The following GRID1 variants were observed in gnomAD, a reference collection of about 807,000 sequenced individuals.
GRID1 encodes glutamate receptor ionotropic, delta-1.
A neutral mutation model predicts 98.0 loss-of-function variants in GRID1; 28 were observed. The ratio of observed to expected loss-of-function variants is 0.29; its 90% CI spans 0.21 to 0.39. The LOEUF (loss-of-function observed/expected upper bound fraction) is 0.39, where lower values mean the gene tolerates loss of function less well. Ranked by LOEUF, GRID1 falls within the 10% of genes least tolerant of loss-of-function variation. GRID1 has a pLI of 1.00. For missense variants in GRID1, 1,111 were observed against 1,340.5 expected, an observed-to-expected ratio of 0.83 and a Z score of 2.67; for synonymous variants, 553 against 538.5, an observed-to-expected ratio of 1.03 and a Z score of -0.37.
chr10:85,690,769 TA>T (rs1405027212), intron 12 of GRID1, among the ~76,000 whole-genome samples: 2 of 152,040 alleles, frequency 1.3e-5, no homozygotes, highest in Admixed American at 6.6e-5. Context: ...GCATATCAAA[TA>T]AAAAAATTCA....
chr10:85,645,117 A>G (rs538365141), intron 13 of GRID1, among the ~76,000 whole-genome samples: 69 of 152,274 alleles, frequency 4.5e-4, no homozygotes, highest in African/African-American at 1.5e-3. Context: ...GTGGCTTGTA[A>G]TGAATAGAAC....
chr10:85,686,151 G>A (rs1841266625), intron 12 of GRID1, among the ~76,000 whole-genome samples: 1 of 152,120 alleles, frequency 6.6e-6, no homozygotes, highest in Admixed American at 6.6e-5. Flanking sequence ...AAGTATTATA[G>A]TGCACAGGGA....
intron 2 of GRID1, among the ~76,000 whole-genome samples, chr10:86,293,010 C>T (rs548690525): frequency 6.6e-6 from 1 of 152,294 alleles, no homozygotes; most frequent in Non-Finnish European, 1.5e-5. Flanking sequence ...ACCTCAGACT[C>T]CCAGAGGCCC....
rs73338210 is a variant in GRID1 at position 86,294,880 on chromosome 10, G to A, written c.235+69061C>T. On this transcript the variant is annotated intron_variant, in intron 2 of 15. Coordinates refer to ENST00000327946, the MANE Select transcript of GRID1 (RefSeq NM_017551.3). Reference sequence around the variant, plus strand: ...GTTTTGAGGTCGGGAGATGAGAAGAGCCCAGCAATGGGACTAGGAAGGTGC... The same window carrying A: ...GTTTTGAGGTCGGGAGATGAGAAGAACCCAGCAATGGGACTAGGAAGGTGC... 5.5e-3 allele frequency among the ~76,000 whole-genome samples: 836 copies of A among 152,294 alleles called. 8 individuals are homozygous for A. Among genetic ancestry groups the A allele is most frequent in the African/African-American group, 0.019 (801 of 41,552 alleles).
intron 8 of GRID1, among the ~76,000 whole-genome samples, chr10:85,766,917 A>G (rs138922198): frequency 6.6e-6 from 1 of 152,228 alleles, no homozygotes; most frequent in East Asian, 1.9e-4. Context: ...GAAACTGCAT[A>G]CACTTCAAGT....
intron 2 of GRID1, among the ~76,000 whole-genome samples, chr10:86,296,940 C>G (rs1178475450): frequency 1.3e-5 from 2 of 152,104 alleles, no homozygotes; most frequent in Non-Finnish European, 2.9e-5. Context: ...TAGAAATAAA[C>G]TTCACTAGAG....
intron 4 of GRID1, among the ~76,000 whole-genome samples, chr10:85,984,928 TA>T (rs1842591058): frequency 6.6e-6 from 1 of 152,112 alleles, no homozygotes; most frequent in South Asian, 2.1e-4. Context: ...TGCCAAGCGC[TA>T]GGTGATGCTT....
intron 12 of GRID1, among the ~76,000 whole-genome samples, chr10:85,681,557 C>T (rs995165794): frequency 6.6e-6 from 1 of 152,138 alleles, no homozygotes; most frequent in Admixed American, 6.5e-5. Context: ...TGGGTCCCCA[C>T]CCAGGTTTAC....
At chr10:85,785,419 A>T (rs1842418831) in intron 8 of GRID1, among the ~76,000 whole-genome samples, 1 of 152,198 alleles carries the variant, frequency 6.6e-6, no homozygotes, top group Non-Finnish European at 1.5e-5. Context: ...AATTCCACGG[A>T]CGCGGAAAGA....
chr10:86,260,270 G>C (rs1030240723), intron 2 of GRID1, among the ~76,000 whole-genome samples: 2 of 152,194 alleles, frequency 1.3e-5, no homozygotes, highest in Non-Finnish European at 1.5e-5. Flanking sequence ...ATTACTTCAT[G>C]ATAATACTTA....
chr10:86,323,089 T>C (rs1589449193), intron 2 of GRID1, among the ~76,000 whole-genome samples: 1 of 152,096 alleles, frequency 6.6e-6, no homozygotes, highest in East Asian at 1.9e-4. Context: ...AGAGCAAGAC[T>C]CTATATGAAA....
rs145126863 is a variant in GRID1, at chr10:85,636,465, G to A, written c.2193+10737C>T. Among the ~76,000 whole-genome samples the A allele has an allele frequency of 6.2e-3, 939 of 152,204 alleles. 11 individuals are homozygous for A. The highest frequency in any genetic ancestry group is 0.022 in the African/African-American group (896 of 41,518). The stretch of plus-strand genomic sequence containing the variant: ...TCTGATTATTGAACAACCACAGACC[G>A]CTAAACATTCATGATCTTATTCAAT... On this transcript the variant is annotated intron_variant, in intron 13 of 15. Coordinates refer to ENST00000327946, the MANE Select transcript of GRID1 (RefSeq NM_017551.3).
At chr10:86,171,141 C>T (rs1845479989) in intron 3 of GRID1, among the ~76,000 whole-genome samples, 1 of 152,196 alleles carries the variant, frequency 6.6e-6, no homozygotes, top group South Asian at 2.1e-4. Context: ...TTTTTCGAAA[C>T]TTCCCAAGGG....
intron 4 of GRID1, among the ~76,000 whole-genome samples, chr10:86,001,571 A>T (rs184663874): frequency 1.3e-5 from 2 of 152,268 alleles, no homozygotes; most frequent in East Asian, 3.9e-4. Flanking sequence ...AGAGTTTGGG[A>T]AAGATTTCCT....
chr10:86,226,707 G>A (rs1040689907), intron 2 of GRID1, among the ~76,000 whole-genome samples: 10 of 142,086 alleles, frequency 7.0e-5, no homozygotes, highest in African/African-American at 2.7e-4. Flanking sequence ...GAGTCACCTT[G>A]GACAAGTGCC....
chr10:86,279,655 T>C (rs1330818661), intron 2 of GRID1, among the ~76,000 whole-genome samples: 1 of 152,222 alleles, frequency 6.6e-6, no homozygotes, highest in East Asian at 1.9e-4. Flanking sequence ...ATATTTAGTG[T>C]TGAAAGACTG....
chr10:85,975,453 G>C (rs2131857672), intron 4 of GRID1, among the ~76,000 whole-genome samples: 1 of 152,300 alleles, frequency 6.6e-6, no homozygotes, highest in East Asian at 1.9e-4. Flanking sequence ...AGGGCCAAGA[G>C]GGCGATTGTC....
intron 2 of GRID1, among the ~76,000 whole-genome samples, chr10:86,286,351 A>C (rs1013207971): frequency 6.6e-6 from 1 of 152,130 alleles, no homozygotes; most frequent in Non-Finnish European, 1.5e-5. Flanking sequence ...AGGACGCCTG[A>C]GGGAGCAGCC....
At chr10:85,797,958 T>C (rs1379646762) in intron 8 of GRID1, among the ~76,000 whole-genome samples, 2 of 152,230 alleles carry the variant, frequency 1.3e-5, no homozygotes, top group African/African-American at 4.8e-5. Context: ...GAAATACTTT[T>C]TAGTGGTGCA....
Sources: gnomAD v4.1 joint callset for allele counts (sites outside exome capture counted in the v4.1 genomes callset) on GRCh38, gnomAD v4.1.1 for gene constraint, MANE v1.5 for transcripts, NCBI Gene and HGNC (gene_info 2026-07-23, HGNC 2026-07-21) for gene names.